The following SH3TC1 variants were observed in gnomAD, a reference collection of about 807,000 sequenced individuals.
SH3TC1 encodes the protein SH3 domain and tetratricopeptide repeat-containing protein 1.
SH3TC1 carries 135 observed loss-of-function variants against 117.3 expected under a neutral mutation model. The observed-to-expected ratio is 1.15, with a 90% CI of 1.00 to 1.33. The LOEUF is 1.33. SH3TC1 is among the 40% of genes most tolerant of loss of function. The pLI, the probability that SH3TC1 is intolerant of heterozygous loss-of-function variation, is 0.00. For missense variants in SH3TC1, 2,092 were observed against 1,794.3 expected, an observed-to-expected ratio of 1.17 and a Z score of -3.00; for synonymous variants, 898 against 816.9, an observed-to-expected ratio of 1.10 and a Z score of -1.69.
intron 1 of SH3TC1, among the ~76,000 whole-genome samples, chr4:8,184,879 T>C (rs13148563): frequency 3.1e-4 from 6 of 19,612 alleles, no homozygotes; most frequent in African/African-American, 5.6e-4. Context: ...GTCAATCTCA[T>C]GAGATTGTCG....
chr4:8,223,447 C>T lies in SH3TC1; in HGVS notation c.1243+477C>T, dbSNP rs936334080. ...TGTCATGGTGGGACCCCAGGGCTGC[C>T]GTCTCCTAAGGACAGAGATAGTCCC... On this transcript the variant is annotated intron_variant, in intron 10 of 17. Transcript: ENST00000245105. Among the ~76,000 whole-genome samples the T allele has an allele frequency of 4.6e-5, 7 of 152,290 alleles. No homozygotes were observed. In the East Asian group the frequency reaches 9.6e-4, roughly 21 times the overall value.
chr4:8,222,391 T>C (rs996023338), intron 9 of SH3TC1, among the ~76,000 whole-genome samples: 1,038 of 72,950 alleles, frequency 0.014, 18 homozygotes, highest in African/African-American at 0.043. Flanking sequence ...TTTTTTTTTT[T>C]CAGACAAAGT....
intron 12 of SH3TC1, chr4:8,229,332 G>A (rs1237661303): frequency 1.3e-5 from 2 of 151,072 alleles, no homozygotes; most frequent in Non-Finnish European, 2.9e-5. Flanking sequence ...AGAGGGTTGA[G>A]AAGATTTAGT....
At chr4:8,220,845 C>A (rs536927901) in intron 9 of SH3TC1, among the ~76,000 whole-genome samples, 48 of 152,362 alleles carry the variant, frequency 3.2e-4, no homozygotes, top group African/African-American at 1.0e-3. Flanking sequence ...GTACCTCTGG[C>A]ACCTGTGCAT....
rs1248335434 is a variant in SH3TC1, at chr4:8,206,489, C to T, written c.172+1123C>T. On this transcript the variant is annotated intron_variant, in intron 2 of 17. Transcript: ENST00000245105. The surrounding 1 kb of genome is among the most constrained non-coding windows in gnomAD (Gnocchi z 5.5). ...CAGAGCCGCGGGGCCCAGGGAGGAGCTGGGAGCCTCTGGGAAGGGGAGTGG... is the reference window on the plus strand; with the variant it reads ...CAGAGCCGCGGGGCCCAGGGAGGAGTTGGGAGCCTCTGGGAAGGGGAGTGG... Among the ~76,000 whole-genome samples the T allele has an allele frequency of 2.0e-5, 3 of 152,146 alleles. No homozygotes were observed. The highest frequency in any genetic ancestry group is 4.8e-5 in the African/African-American group (2 of 41,452).
chr4:8,195,357 G>C (rs1717527864), upstream of SH3TC1, among the ~76,000 whole-genome samples: 1 of 152,150 alleles, frequency 6.6e-6, no homozygotes, highest in Non-Finnish European at 1.5e-5. Context: ...GTTCGGACAG[G>C]TCCTCTGGCA....
In SH3TC1 at chr4:8,227,391, T is replaced by C; in HGVS notation, c.1697T>C (p.Leu566Pro). The change falls in exon 12 of 18, where the codon CTG (leucine) becomes CCG (proline). Residue 566 changes from leucine to proline, a missense_variant. Leu to Pro is a moderately conservative substitution (Grantham distance 98). Transcript: ENST00000245105. ...GCCCTGGCCAGGCTCTGCTTCCTCCTGGGGCGGCTGTGCAGCAGGAGGCTC... is the reference window on the plus strand; with the variant it reads ...GCCCTGGCCAGGCTCTGCTTCCTCCCGGGGCGGCTGTGCAGCAGGAGGCTC... ...LMALARLCFL[L>P]GRLCSRRLKL... 6.4e-7 allele frequency: 1 copy of C among 1,553,018 alleles called. No individual in the cohort carries two copies.
Position 8,209,548 on chromosome 4 carries a change from A to C in SH3TC1, c.173-200A>C. The C allele has an allele frequency of 8.1e-7, 1 of 1,240,596 alleles. No homozygotes were observed. The highest frequency in any genetic ancestry group is 1.1e-6 in the Non-Finnish European group (1 of 888,066). 76.8% of individuals were successfully genotyped at this position (1,240,596 alleles called of 1,614,324 possible). Reference sequence around the variant, plus strand: ...GCCTCTGAGTGTGGGGCAGCTTGTCACAGCATGCTGGGAAGTGCAGGCAGC... The same window carrying C: ...GCCTCTGAGTGTGGGGCAGCTTGTCCCAGCATGCTGGGAAGTGCAGGCAGC... On this transcript the variant is annotated intron_variant, in intron 2 of 17. Coordinates refer to ENST00000245105, the MANE Select transcript of SH3TC1 (RefSeq NM_018986.5). The surrounding 1 kb of genome is among the most constrained non-coding windows in gnomAD (Gnocchi z 5.9).
chr4:8,182,933 T>A (rs1047379945), intron 1 of SH3TC1, among the ~76,000 whole-genome samples: 1 of 152,160 alleles, frequency 6.6e-6, no homozygotes, highest in Non-Finnish European at 1.5e-5. Flanking sequence ...GACCGCCTTC[T>A]CTCAGGGCTG....
chr4:8,227,519 A>G lies in SH3TC1; in HGVS notation c.1825A>G (p.Ser609Gly). The G allele has an allele frequency of 6.5e-7, 1 of 1,542,270 alleles. No individual in the cohort carries two copies. The highest frequency in any genetic ancestry group is 8.7e-7 in the Non-Finnish European group (1 of 1,149,952). The change falls in exon 12 of 18, where the codon AGC (serine) becomes GGC (glycine). Residue 609 changes from serine to glycine, a missense_variant. Physicochemically the swap from Ser to Gly is moderately conservative, Grantham distance 56 (BLOSUM62 0). Coordinates refer to ENST00000245105, the MANE Select transcript of SH3TC1 (RefSeq NM_018986.5). ...LVVAVYANLA[S>G]IYRKQKNREK... ...GGTGGCTGTGTACGCCAACCTGGCCAGCATTTACCGGAAGCAGAAGAACCG... is the reference window on the plus strand; with the variant it reads ...GGTGGCTGTGTACGCCAACCTGGCCGGCATTTACCGGAAGCAGAAGAACCG...
chr4:8,205,813 G>A lies in SH3TC1; in HGVS notation c.172+447G>A. The A allele has an allele frequency of 1.7e-6, 1 of 600,144 alleles. No individual in the cohort carries two copies. The highest frequency in any genetic ancestry group is 2.9e-5 in the Admixed American group (1 of 34,444). The allele number at this position is 600,144 out of a possible 1,614,324, so 37.2% of individuals were successfully genotyped here. A position where few individuals can be genotyped will look rare whatever the true frequency, so the allele number is the denominator to read the frequency against. On this transcript the variant is annotated intron_variant, in intron 2 of 17. Transcript: ENST00000245105. The surrounding 1 kb of genome is among the most constrained non-coding windows in gnomAD (Gnocchi z 5.4). The stretch of plus-strand genomic sequence containing the variant: ...GGTCAGGGGCCGGGCCAGGACGTGT[G>A]CCCAGTTTCCTGAATTCCCGGGAGA...
In SH3TC1 at chr4:8,227,599, T is replaced by C. The variant is rs1281147; in HGVS notation, c.1905T>C (p.Pro635=). Residue 635 remains proline, a synonymous_variant, in exon 12 of 18, where the codon CCT becomes CCC. Coordinates refer to ENST00000245105, the MANE Select transcript of SH3TC1 (RefSeq NM_018986.5). ...CCATGGCCCTGCTCCTGGGGACGCC[T>C]GACCACATCTGCAGCACCGAGGCGG... ...PKAMALLLGT[P]DHICSTEAEG... is the part of the protein sequence containing the mutation. The C allele has an allele frequency of 0.99, 1,511,145 of 1,519,744 alleles. 751,675 individuals are homozygous for C. Among genetic ancestry groups the C allele is most frequent in the East Asian group, 1 (44,104 of 44,104 alleles). The allele number at this position is 1,519,744 out of a possible 1,614,324, so 94.1% of individuals were successfully genotyped here.
In SH3TC1 at chr4:8,233,069, C is replaced by T. The variant is rs377532208; in HGVS notation, c.3132-294C>T. 1.3e-4 allele frequency: 160 copies of T among 1,256,886 alleles called. 2 individuals are homozygous for T. In the South Asian group the frequency reaches 2.4e-3, roughly 19 times the overall value. The allele number at this position is 1,256,886 out of a possible 1,614,324, so 77.9% of individuals were successfully genotyped here. On this transcript the variant is annotated intron_variant, in intron 13 of 17. Coordinates refer to ENST00000245105, the MANE Select transcript of SH3TC1 (RefSeq NM_018986.5). ...ATCTGAACACTGATGGCTCCTGGTG[C>T]GTCTAGAGAAGACACAGGCCATGTC...
intron 7 of SH3TC1, among the ~76,000 whole-genome samples, chr4:8,217,949 C>G (rs1719456152): frequency 6.6e-6 from 1 of 151,970 alleles, no homozygotes; most frequent in African/African-American, 2.4e-5. Context: ...CTCCCTCACC[C>G]CTCACTGTGT....
At position 8,235,424 on chromosome 4, in the gene SH3TC1, T is replaced by G. The variant is rs752290922; in HGVS notation, c.3283-9T>G. 2 of 1,489,912 alleles carry G rather than the reference T, an allele frequency of 1.3e-6. No individual in the cohort carries two copies. The highest frequency in any genetic ancestry group is 1.8e-6 in the Non-Finnish European group (2 of 1,112,338). The allele number at this position is 1,489,912 out of a possible 1,614,324, so 92.3% of individuals were successfully genotyped here. On this transcript the variant is annotated splice_polypyrimidine_tract_variant and intron_variant, in intron 14 of 17. Coordinates refer to ENST00000245105, the MANE Select transcript of SH3TC1 (RefSeq NM_018986.5). ...TGTGGGTCTTGAGGGAACTTCTGCC[T>G]CCTTTCAGGTGGCACAGAACGTGGC...
At chr4:8,202,602 A>T (rs993644125) in intron 1 of SH3TC1, among the ~76,000 whole-genome samples, 1 of 152,190 alleles carries the variant, frequency 6.6e-6, no homozygotes, top group South Asian at 2.1e-4. Context: ...ATCAGATTAC[A>T]GTTGGAGCAG....
At chr4:8,222,999 C>T in intron 10 of SH3TC1, 29 bp downstream of exon 10, 1 of 1,596,862 alleles carries the variant, frequency 6.3e-7, no homozygotes, top group African/African-American at 1.3e-5. Flanking sequence ...TGTGGTGGGG[C>T]CACTGCCCTC....
chr4:8,231,852 C>T (rs1279623351), intron 12 of SH3TC1, 124 bp from the exon 13 acceptor site: 1 of 1,170,434 alleles, frequency 8.5e-7, no homozygotes, highest in Non-Finnish European at 1.2e-6. Flanking sequence ...CAGCGGTTCC[C>T]CGCCTGTGGG....
intron 1 of SH3TC1, among the ~76,000 whole-genome samples, chr4:8,189,608 G>C (rs1462515966): frequency 6.6e-6 from 1 of 152,194 alleles, no homozygotes; most frequent in African/African-American, 2.4e-5. Flanking sequence ...AACCAGGTGG[G>C]GAAAGAGAGG....
Sources: allele counts gnomAD v4.1 joint callset (sites outside exome capture counted in the v4.1 genomes callset), GRCh38; gene constraint gnomAD v4.1.1; non-coding constraint Gnocchi (gnomAD v3.1); transcripts MANE v1.5; gene names NCBI Gene and HGNC (gene_info 2026-07-23, HGNC 2026-07-21).